Variants in DNAH2 observed in about 807,000 individuals in gnomAD.
The protein encoded by DNAH2 is axonemal beta dynein heavy chain 2.
In DNAH2, 323 loss-of-function variants were observed where a neutral mutation model predicts 523.5. The ratio of observed to expected loss-of-function variants is 0.62; its 90% CI spans 0.56 to 0.68. DNAH2 has a LOEUF of 0.68. Ranked by LOEUF, DNAH2 falls within the 30% of genes least tolerant of loss-of-function variation. DNAH2 has a pLI of 0.00. For synonymous variants in DNAH2, 2,093 were observed against 2,177.4 expected (o/e 0.96, Z 1.08); for missense variants, 4,907 against 5,701.5 (o/e 0.86, Z 4.49).
Position 7,786,321 on chromosome 17 carries a change from C to T in DNAH2, c.6327C>T (p.Asp2109=), listed in dbSNP as rs2076732989. ...TGTCCTCTCTGTGCCGCGCCGGAGA[C>T]CCTAACTTCAACATTGTTAGAGTAC... The part of the protein sequence containing the change: ...ASLSSLCRAG[D]PNFNIVREFP... The change falls in exon 40 of 86, where the codon GAC becomes GAT. Residue 2109 remains aspartate (D), a synonymous_variant. Transcript: ENST00000572933. This position sits in a 1 kb window ranked among gnomAD's most constrained non-coding sequence, Gnocchi z 7.5. 1 of 1,613,082 alleles carries T rather than the reference C, an allele frequency of 6.2e-7. No homozygotes were observed. Among genetic ancestry groups the T allele is most frequent in the Non-Finnish European group, 8.5e-7 (1 of 1,180,000 alleles).
chr17:7,814,185 CAAAAAAAA>C (rs59214536), intron 63 of DNAH2, among the ~76,000 whole-genome samples: 2 of 101,478 alleles, frequency 2.0e-5, no homozygotes, highest in African/African-American at 7.2e-5. Context: ...CACTATTCTC[CAAAAAAAA>C]AAAAAAAAAA....
At chr17:7,813,715 C>T (rs536728677) in intron 63 of DNAH2, among the ~76,000 whole-genome samples, 2 of 152,068 alleles carry the variant, frequency 1.3e-5, no homozygotes, top group African/African-American at 2.4e-5. Flanking sequence ...CGAGACCAGC[C>T]TGGCCAACAT....
intron 44 of DNAH2, among the ~76,000 whole-genome samples, chr17:7,789,302 G>A (rs573524174): frequency 1.3e-5 from 2 of 152,380 alleles, no homozygotes; most frequent in East Asian, 3.9e-4. Context: ...CGGGTGAGCA[G>A]AGGGCAAGAG....
At chr17:7,833,303 C>CA in intron 85 of DNAH2, 76 bp from the exon 86 acceptor site, 1 of 1,607,632 alleles carries the variant, frequency 6.2e-7, no homozygotes, top group Non-Finnish European at 8.5e-7. Flanking sequence ...GCCCATCCCA[C>CA]ACCCGCTCCT....
chr17:7,826,533 A>ATT (rs1311498386), intron 77 of DNAH2, among the ~76,000 whole-genome samples: 1 of 126,836 alleles, frequency 7.9e-6, no homozygotes, highest in Non-Finnish European at 1.6e-5. Context: ...TGTGCCCATC[A>ATT]TCTTTTTTTT....
At chr17:7,795,071 G>T (rs572711033) in intron 49 of DNAH2, among the ~76,000 whole-genome samples, 27 of 151,934 alleles carry the variant, frequency 1.8e-4, no homozygotes, top group Non-Finnish European at 2.8e-4. Context: ...TGATCCTATG[G>T]AGTGGGAAGG....
At chr17:7,749,405 A>G (rs1253108812) in intron 12 of DNAH2, among the ~76,000 whole-genome samples, 2 of 149,722 alleles carry the variant, frequency 1.3e-5, no homozygotes, top group Non-Finnish European at 3.0e-5. Context: ...TTTTGGTGCA[A>G]TGTTGGCCAG....
Position 7,833,538 on chromosome 17 carries a change from TC to T in DNAH2, c.*7del. Reference sequence around the variant, plus strand: ...CTCATGAGCCTGGACAGCTGAGACCTCCTCCTCTTCTCCGCTTGAGAGAGAG... The same window carrying T: ...CTCATGAGCCTGGACAGCTGAGACCTCTCCTCTTCTCCGCTTGAGAGAGAG... On this transcript the variant is annotated 3_prime_UTR_variant, in exon 86 of 86. Transcript: ENST00000572933. 1 of 1,613,158 alleles carries T rather than the reference TC, an allele frequency of 6.2e-7. No homozygotes were observed. The highest frequency in any genetic ancestry group is 8.5e-7 in the Non-Finnish European group (1 of 1,179,910).
At position 7,817,322 on chromosome 17, in the gene DNAH2, G is replaced by A; in HGVS notation, c.9927G>A (p.Gly3309=). ...GLEEDLGYLV[G]DCLLAAAFLS... ...AGGAGGACCTGGGCTACCTGGTGGG[G>A]GACTGTCTCCTGGCAGCTGCCTTCC... Residue 3309 remains glycine, a synonymous_variant, in exon 65 of 86, where the codon GGG becomes GGA. Coordinates refer to ENST00000572933, the MANE Select transcript of DNAH2 (RefSeq NM_020877.5). 6.2e-7 allele frequency: 1 copy of A among 1,607,256 alleles called. No homozygotes were observed. The highest frequency in any genetic ancestry group is 8.5e-7 in the Non-Finnish European group (1 of 1,178,144).
At chr17:7,771,128 G>A (rs1359306765) in intron 27 of DNAH2, among the ~76,000 whole-genome samples, 195 bp downstream of exon 27, 1 of 152,112 alleles carries the variant, frequency 6.6e-6, no homozygotes, top group Non-Finnish European at 1.5e-5. Flanking sequence ...GTTCTTCTCA[G>A]ATTTTTCTTC....
intron 24 of DNAH2, among the ~76,000 whole-genome samples, chr17:7,769,313 C>G (rs1002953655): frequency 1.3e-5 from 2 of 152,122 alleles, no homozygotes; most frequent in African/African-American, 4.8e-5. Flanking sequence ...AGGCACCTGC[C>G]ACCATGCTCT....
Position 7,763,909 on chromosome 17 carries a change from C to T in DNAH2, c.3057C>T (p.His1019=), listed in dbSNP as rs1567658789. The change falls in exon 19 of 86, where the codon CAC becomes CAT. Residue 1019 remains histidine (H), a synonymous_variant. Coordinates refer to ENST00000572933, the MANE Select transcript of DNAH2 (RefSeq NM_020877.5). ...AGTTTGTGCTGCTGGACTGTTCGCA[C>T]CTCAAGTTCTCCCTGGTGCAGCACT... ...NIQFVLLDCS[H]LKFSLVQHCN... 1.9e-6 allele frequency: 3 copies of T among 1,614,198 alleles called. No homozygotes were observed. The highest frequency in any genetic ancestry group is 8.5e-7 in the Non-Finnish European group (1 of 1,180,040).
intron 35 of DNAH2, 116 bp from the exon 36 acceptor site, chr17:7,779,127 C>G: frequency 1.6e-6 from 2 of 1,245,250 alleles, no homozygotes; most frequent in Non-Finnish European, 2.2e-6. Context: ...CTCCCTGCCC[C>G]CTAGTCTGGA....
In DNAH2 at chr17:7,767,944, G is replaced by T. The variant is rs1287613952; in HGVS notation, c.3720G>T (p.Trp1240Cys). The T allele has an allele frequency of 7.4e-6, 12 of 1,614,130 alleles. No homozygotes were observed. In the East Asian group the frequency reaches 2.5e-4, roughly 33 times the overall value. Residue 1240 changes from tryptophan to cysteine, a missense_variant, in exon 23 of 86, where the codon TGG (tryptophan) becomes TGT (cysteine). By Grantham distance (215) the Trp-to-Cys change is radical. Transcript: ENST00000572933. ...AAATCTGGGAGATCGCACGAGACTG[G>T]GAGGAGAACTGGAATGAGTGGAAGA... ...LQQIWEIARD[W>C]EENWNEWKTG...
chr17:7,739,158 C>A (rs1597488246), intron 8 of DNAH2: 4 of 563,668 alleles, frequency 7.1e-6, no homozygotes, highest in Middle Eastern at 4.3e-4. Context: ...GTAATCCCAG[C>A]ACTTTGGGAG....
chr17:7,752,781 G>T (rs1256081203), intron 12 of DNAH2, among the ~76,000 whole-genome samples: 1 of 152,140 alleles, frequency 6.6e-6, no homozygotes, highest in African/African-American at 2.4e-5. Context: ...AAACACCCTT[G>T]CAAACTACTG....
chr17:7,830,341 A>G lies in DNAH2; in HGVS notation c.11895A>G (p.Ser3965=), dbSNP rs1445681487. The change falls in exon 78 of 86, where the codon TCA becomes TCG. Residue 3965 remains serine (S), a synonymous_variant. Coordinates refer to ENST00000572933, the MANE Select transcript of DNAH2 (RefSeq NM_020877.5). The stretch of plus-strand genomic sequence containing the variant: ...TGACACGTCTTTACCAACTGATGTC[A>G]GAACCACAGTTTTCCCGCTGCTCCA... ...ANMTRLYQLM[S]EPQFSRCSKP... The G allele has an allele frequency of 3.1e-6, 5 of 1,614,120 alleles. No individual in the cohort carries two copies. The African/African-American group carries it at 6.7e-5, about 22-fold the overall frequency.
rs1178600950 is a variant in DNAH2 at position 7,830,827 on chromosome 17, C to T, written c.12215C>T (p.Ser4072Leu). ...GATTATTTCTGTGACCAGTCTCTAT[C>T]AACTCCCTTCCACCGGTGAGGGGGA... is the stretch of plus-strand genomic sequence containing the variant. ...INDYFCDQSL[S>L]TPFHRLSALE... The change falls in exon 79 of 86, where the codon TCA becomes TTA. Residue 4072 changes from serine to leucine, a missense_variant. Around this residue, in one of 3 missense-constraint regions of DNAH2, gnomAD observed 1,851 missense variants for 2,139.4 expected, o/e 0.87. Transcript: ENST00000572933. 2 of 1,614,048 alleles carry T rather than the reference C, an allele frequency of 1.2e-6. No homozygotes were observed. The highest frequency in any genetic ancestry group is 1.3e-5 in the African/African-American group (1 of 75,044).
chr17:7,825,271 C>T (rs1385863013), intron 77 of DNAH2, among the ~76,000 whole-genome samples: 3 of 152,188 alleles, frequency 2.0e-5, no homozygotes, highest in African/African-American at 4.8e-5. Context: ...TAAAATCTGC[C>T]GTGTCACTGC....
Sources: allele counts gnomAD v4.1 joint callset (sites outside exome capture counted in the v4.1 genomes callset), GRCh38; gene constraint gnomAD v4.1.1; regional missense constraint gnomAD v4.1.1; non-coding constraint Gnocchi (gnomAD v3.1); transcripts MANE v1.5; gene names NCBI Gene and HGNC (gene_info 2026-07-23, HGNC 2026-07-21).